The following CLIP1 variants were observed in gnomAD, a reference collection of about 807,000 sequenced individuals.
The protein encoded by CLIP1 is CAP-Gly domain-containing linker protein 1.
In CLIP1, 66 loss-of-function variants were observed where a neutral mutation model predicts 161.6. That is an observed-to-expected ratio of 0.41 (90% CI 0.33 to 0.50). The LOEUF (loss-of-function observed/expected upper bound fraction) is 0.50. Ranked by LOEUF, CLIP1 falls within the 20% of genes least tolerant of loss-of-function variation. The pLI, the probability that CLIP1 is intolerant of heterozygous loss-of-function variation, is 0.27. For missense variants in CLIP1, 1,376 were observed against 1,702.0 expected, an observed-to-expected ratio of 0.81 and a Z score of 3.37; for synonymous variants, 598 against 626.2, an observed-to-expected ratio of 0.96 and a Z score of 0.67.
At chr12:122,412,060 CTTTTTTT>C (rs71082989) in intron 1 of CLIP1, among the ~76,000 whole-genome samples, 7 of 81,578 alleles carry the variant, frequency 8.6e-5, no homozygotes, top group Middle Eastern at 7.6e-3. Context: ...CAGTTATTTT[CTTTTTTT>C]TTTTTTTTTT....
intron 3 of CLIP1, among the ~76,000 whole-genome samples, chr12:122,370,268 T>A (rs926965273): frequency 7.3e-6 from 1 of 137,818 alleles, no homozygotes. Flanking sequence ...GTCGGGAGGG[T>A]GGGCAGGGTC....
At chr12:122,313,513 G>T (rs1219258235) in intron 19 of CLIP1, among the ~76,000 whole-genome samples, 1 of 151,758 alleles carries the variant, frequency 6.6e-6, no homozygotes, top group Non-Finnish European at 1.5e-5. Flanking sequence ...GATCACCTGA[G>T]GTTGGTAGTT....
At chr12:122,404,017 G>A (rs1956231466) in intron 1 of CLIP1, among the ~76,000 whole-genome samples, 1 of 152,212 alleles carries the variant, frequency 6.6e-6, no homozygotes, top group East Asian at 1.9e-4. Context: ...AAGGCAGGGA[G>A]CATGCACTCC....
intron 17 of CLIP1, among the ~76,000 whole-genome samples, chr12:122,321,224 A>G (rs1951488406): frequency 1.3e-5 from 2 of 151,834 alleles, no homozygotes. Flanking sequence ...CTATATTTCA[A>G]TATGTGCCAA....
intron 19 of CLIP1, among the ~76,000 whole-genome samples, chr12:122,313,010 G>A (rs150741148): frequency 7.2e-4 from 110 of 152,202 alleles, no homozygotes; most frequent in Non-Finnish European, 1.2e-3. Flanking sequence ...TCCTCTTACC[G>A]CAGAAGGCCC....
At chr12:122,325,015 T>C (rs190500714) in intron 17 of CLIP1, among the ~76,000 whole-genome samples, 2 of 152,068 alleles carry the variant, frequency 1.3e-5, no homozygotes, top group African/African-American at 2.4e-5. Context: ...GACCACAGTG[T>C]CTATACCAGT....
chr12:122,332,153 G>A (rs1221046163), intron 15 of CLIP1, among the ~76,000 whole-genome samples: 1 of 151,916 alleles, frequency 6.6e-6, no homozygotes, highest in African/African-American at 2.4e-5. Flanking sequence ...AAATTAGCCA[G>A]GCATGGTGGT....
chr12:122,375,103 T>G (rs915267006), intron 3 of CLIP1, among the ~76,000 whole-genome samples: 1 of 151,940 alleles, frequency 6.6e-6, no homozygotes, highest in East Asian at 1.9e-4. Flanking sequence ...CTCACTGAGG[T>G]CCCAAAGGCA....
At chr12:122,332,183 T>C (rs1401167199) in intron 15 of CLIP1, among the ~76,000 whole-genome samples, 2 of 151,146 alleles carry the variant, frequency 1.3e-5, no homozygotes, top group Non-Finnish European at 2.9e-5. Flanking sequence ...TAATCTCAGC[T>C]ACTCGGGAGG....
rs191796135 is a variant in CLIP1 at position 122,311,435 on chromosome 12, T to A, written c.3474-1553A>T. Among the ~76,000 whole-genome samples the A allele has an allele frequency of 1.5e-3, 232 of 150,912 alleles. No homozygotes were observed. Among genetic ancestry groups the A allele is most frequent in the East Asian group, 0.014 (74 of 5,164 alleles). ...CAAAATTATTATTATTATTATTTTTTTTTTTTTGAGACAGAGTCTCGCTCT... is the reference window on the plus strand; with the variant it reads ...CAAAATTATTATTATTATTATTTTTATTTTTTTGAGACAGAGTCTCGCTCT... On this transcript the variant is annotated intron_variant, in intron 19 of 25. Transcript: ENST00000620786. This position sits in a 1 kb window ranked among gnomAD's most constrained non-coding sequence, Gnocchi z 4.3.
intron 10 of CLIP1, chr12:122,344,131 A>G (rs1018375510): frequency 1.3e-5 from 2 of 152,202 alleles, no homozygotes; most frequent in Non-Finnish European, 2.9e-5. Context: ...AAAATAACAG[A>G]TATGTTTTCT....
chr12:122,421,710 T>C (rs921845970), intron 1 of CLIP1, among the ~76,000 whole-genome samples: 1 of 151,912 alleles, frequency 6.6e-6, no homozygotes, highest in Non-Finnish European at 1.5e-5. Flanking sequence ...TCCTGCCAGA[T>C]GGAAAAGCCA....
intron 3 of CLIP1, among the ~76,000 whole-genome samples, chr12:122,370,755 C>T (rs1296379342): frequency 6.6e-6 from 1 of 151,954 alleles, no homozygotes; most frequent in East Asian, 1.9e-4. Flanking sequence ...ACTTAATCTC[C>T]GCTTCTGAAA....
intron 9 of CLIP1, among the ~76,000 whole-genome samples, chr12:122,349,837 CA>C (rs1448126019): frequency 6.6e-6 from 1 of 151,912 alleles, no homozygotes; most frequent in Non-Finnish European, 1.5e-5. Flanking sequence ...AGTAGCTTCA[CA>C]AAAAGGAACC....
chr12:122,345,763 T>G (rs1266749954), intron 10 of CLIP1, among the ~76,000 whole-genome samples: 1 of 151,990 alleles, frequency 6.6e-6, no homozygotes, highest in East Asian at 1.9e-4. Flanking sequence ...ACTACATATC[T>G]TACATGTAAG....
chr12:122,326,224 A>G (rs1007512602), intron 17 of CLIP1, among the ~76,000 whole-genome samples: 2 of 152,252 alleles, frequency 1.3e-5, no homozygotes, highest in Admixed American at 6.5e-5. Context: ...TGACTCTTGC[A>G]CAAAACCAAC....
chr12:122,382,128 G>A (rs576545637), intron 1 of CLIP1, among the ~76,000 whole-genome samples: 4 of 152,236 alleles, frequency 2.6e-5, no homozygotes, highest in East Asian at 1.9e-4. Flanking sequence ...TTGAGAGGCC[G>A]AGGCAGGCAG....
At chr12:122,314,089 G>C (rs189406209) in intron 19 of CLIP1, among the ~76,000 whole-genome samples, 25 of 152,098 alleles carry the variant, frequency 1.6e-4, no homozygotes, top group Admixed American at 1.2e-3. Context: ...TCAGGCGTTC[G>C]AGTACAGCCT....
chr12:122,395,741 TCTGGTACG>T (rs1184387210), intron 1 of CLIP1: 1 of 152,160 alleles, frequency 6.6e-6, no homozygotes, highest in Non-Finnish European at 1.5e-5. Context: ...CCTGCAAACT[TCTGGTACG>T]CAAGTTTTTA....
Sources: allele counts gnomAD v4.1 joint callset (sites outside exome capture counted in the v4.1 genomes callset), GRCh38; gene constraint gnomAD v4.1.1; non-coding constraint Gnocchi (gnomAD v3.1); transcripts MANE v1.5; gene names NCBI Gene and HGNC (gene_info 2026-07-23, HGNC 2026-07-21).